Variants in PLXNB1 observed in about 807,000 individuals in gnomAD.
PLXNB1 encodes plexin-B1.
In PLXNB1, 106 loss-of-function variants were observed where a neutral mutation model predicts 209.4. The observed-to-expected ratio is 0.51, with a 90% CI of 0.43 to 0.59. The LOEUF (loss-of-function observed/expected upper bound fraction) is 0.59, where lower values mean the gene tolerates loss of function less well. PLXNB1 is among the 20% of genes least tolerant of loss of function. The pLI, the probability that PLXNB1 is intolerant of heterozygous loss-of-function variation, is 0.00. For missense variants in PLXNB1, 2,357 were observed against 2,853.2 expected (o/e 0.83, Z 3.96); for synonymous variants, 1,167 against 1,183.2 (o/e 0.99, Z 0.28).
At chr3:48,420,587 G>T in intron 10 of PLXNB1, 78 bp downstream of exon 10, 2 of 1,178,072 alleles carry the variant, frequency 1.7e-6, no homozygotes, top group Non-Finnish European at 2.5e-6. Context: ...TAGGCAGACA[G>T]ACCCCGGGCC....
rs762372883 is a variant in PLXNB1 at position 48,405,118 on chromosome 3, G to A, written c.6304-528C>T. ...TCACACCCTGCCTCCCCCAAGCCCC[G>A]TGCCATGGCCCACACCATGCCGAGG... is the stretch of plus-strand genomic sequence containing the variant. On this transcript the variant is annotated intron_variant, in intron 37 of 37. Transcript: ENST00000296440. This position sits in a 1 kb window ranked among gnomAD's most constrained non-coding sequence, Gnocchi z 5.0. Among the ~76,000 whole-genome samples the A allele has an allele frequency of 5.9e-5, 9 of 152,174 alleles. No homozygotes were observed. The highest frequency in any genetic ancestry group is 3.8e-4 in the East Asian group (2 of 5,198).
At chr3:48,404,815 G>A (rs1235217279) in intron 37 of PLXNB1, among the ~76,000 whole-genome samples, 1 of 152,092 alleles carries the variant, frequency 6.6e-6, no homozygotes, top group African/African-American at 2.4e-5. Flanking sequence ...GGAAATGAAG[G>A]ACCTGACTCA....
At position 48,415,885 on chromosome 3, in the gene PLXNB1, C is replaced by A; in HGVS notation, c.3618-126G>T. 1 of 1,339,932 alleles carries A rather than the reference C, an allele frequency of 7.5e-7. No individual in the cohort carries two copies. Among genetic ancestry groups the A allele is most frequent in the South Asian group, 1.4e-5 (1 of 70,932 alleles). 83.0% of individuals were successfully genotyped at this position (1,339,932 alleles called of 1,614,324 possible). A position where few individuals can be genotyped will look rare whatever the true frequency, so the allele number is the denominator to read the frequency against. On this transcript the variant is annotated intron_variant, in intron 18 of 37. Coordinates refer to ENST00000296440, the MANE Select transcript of PLXNB1 (RefSeq NM_001130082.3). This position sits in a 1 kb window ranked among gnomAD's most constrained non-coding sequence, Gnocchi z 5.0. ...CCAGGTGTCCCTGGAGGTGCACTCC[C>A]ACCACAGCTGGCTAGGGAGGGTCTG...
chr3:48,404,255 G>A lies in PLXNB1; in HGVS notation c.*231C>T. 2 of 529,790 alleles carry A rather than the reference G, an allele frequency of 3.8e-6. No individual in the cohort carries two copies. The highest frequency in any genetic ancestry group is 3.5e-5 in the Admixed American group (1 of 28,340). The allele number at this position is 529,790 out of a possible 1,614,324, so 32.8% of individuals were successfully genotyped here. On this transcript the variant is annotated 3_prime_UTR_variant, in exon 38 of 38. Coordinates refer to ENST00000296440, the MANE Select transcript of PLXNB1 (RefSeq NM_001130082.3). The stretch of plus-strand genomic sequence containing the variant: ...AACTCCCTGCAGACCGGTGTCACAG[G>A]GTCGCTGGACTCGGGGAGCAGGCTG...
chr3:48,418,967 A>T lies in PLXNB1; in HGVS notation c.2905T>A (p.Cys969Ser). 6.2e-7 allele frequency: 1 copy of T among 1,613,878 alleles called. No individual in the cohort carries two copies. Among genetic ancestry groups the T allele is most frequent in the Non-Finnish European group, 8.5e-7 (1 of 1,179,940 alleles). ...LEVVVEARVE[C>S]EPPPDTQCHV... is the part of the protein sequence containing the mutation. ...CACTGGGTATCTGGAGGTGGCTCAC[A>T]CTCGACCCGGGCCTCAACCACCACC... is the stretch of plus-strand genomic sequence containing the variant. Residue 969 changes from cysteine to serine, a missense_variant, in exon 13 of 38, where the codon TGT becomes AGT. Physicochemically the swap from Cys to Ser is moderately radical, Grantham distance 112. Transcript: ENST00000296440. This position sits in a 1 kb window ranked among gnomAD's most constrained non-coding sequence, Gnocchi z 6.6.
Position 48,409,665 on chromosome 3 carries a change from G to T in PLXNB1, c.5845C>A (p.Leu1949Ile), listed in dbSNP as rs149027538. The T allele has an allele frequency of 6.8e-6, 11 of 1,613,884 alleles. No individual in the cohort carries two copies. In the African/African-American group the frequency reaches 1.2e-4, roughly 18 times the overall value. ...VILSTSRPVP[L>I]AVKYFFDLLD... is the part of the protein sequence containing the mutation. ...AGGTCAAAGAAGTACTTCACAGCGA[G>T]CGGCACGGGGCGGCTGGTGCTGAGA... The change falls in exon 33 of 38, where the codon CTC becomes ATC. Residue 1949 changes from leucine to isoleucine, a missense_variant. Physicochemically the swap from Leu to Ile is conservative, Grantham distance 5 (BLOSUM62 2). Around this residue, in one of 7 missense-constraint regions of PLXNB1, gnomAD observed 414 missense variants for 520.5 expected, o/e 0.80. Coordinates refer to ENST00000296440, the MANE Select transcript of PLXNB1 (RefSeq NM_001130082.3). This position sits in a 1 kb window ranked among gnomAD's most constrained non-coding sequence, Gnocchi z 5.8.
At position 48,429,367 on chromosome 3, in the gene PLXNB1, G is replaced by A. The variant is rs1195204638; in HGVS notation, c.-60+641C>T. 3 of 151,442 alleles carry A rather than the reference G, an allele frequency of 2.0e-5. No homozygotes were observed. In the East Asian group the frequency reaches 5.8e-4, roughly 29 times the overall value. The allele number at this position is 151,442 out of a possible 1,614,324, so 9.4% of individuals were successfully genotyped here. Reference sequence around the variant, plus strand: ...TCTGGCGGAGCCGCAGCTGTTACCCGGAGACCGAGGGGCGGAAAACTGCGC... The same window carrying A: ...TCTGGCGGAGCCGCAGCTGTTACCCAGAGACCGAGGGGCGGAAAACTGCGC... On this transcript the variant is annotated intron_variant, in intron 1 of 37. Coordinates refer to ENST00000296440, the MANE Select transcript of PLXNB1 (RefSeq NM_001130082.3). This position sits in a 1 kb window ranked among gnomAD's most constrained non-coding sequence, Gnocchi z 6.4.
In PLXNB1 at chr3:48,415,454, C is replaced by A; in HGVS notation, c.3795-107G>T. 6 of 1,424,798 alleles carry A rather than the reference C, an allele frequency of 4.2e-6. No individual in the cohort carries two copies. The highest frequency in any genetic ancestry group is 5.7e-6 in the Non-Finnish European group (6 of 1,044,780). The allele number at this position is 1,424,798 out of a possible 1,614,324, so 88.3% of individuals were successfully genotyped here. ...AGCTCAGCCCCAGCCCCAAACCACACGACCCCTTGCCCCTACTAGCAGCAT... is the reference window on the plus strand; with the variant it reads ...AGCTCAGCCCCAGCCCCAAACCACAAGACCCCTTGCCCCTACTAGCAGCAT... On this transcript the variant is annotated intron_variant, in intron 19 of 37. Transcript: ENST00000296440. The surrounding 1 kb of genome is among the most constrained non-coding windows in gnomAD (Gnocchi z 5.0).
In PLXNB1 at chr3:48,415,942, T is replaced by A; in HGVS notation, c.3617+89A>T. The A allele has an allele frequency of 6.8e-7, 1 of 1,464,330 alleles. No homozygotes were observed. The highest frequency in any genetic ancestry group is 2.3e-4 in the Middle Eastern group (1 of 4,386). 90.7% of individuals were successfully genotyped at this position (1,464,330 alleles called of 1,614,324 possible). A position where few individuals can be genotyped will look rare whatever the true frequency, so the allele number is the denominator to read the frequency against. On this transcript the variant is annotated intron_variant, in intron 18 of 37. Coordinates refer to ENST00000296440, the MANE Select transcript of PLXNB1 (RefSeq NM_001130082.3). This position sits in a 1 kb window ranked among gnomAD's most constrained non-coding sequence, Gnocchi z 5.0. Reference sequence around the variant, plus strand: ...CTCTGAAGGAGCAGACTGGCCCTCTTCCCCTTTCTGCTCTCCCCAGGATCT... The same window carrying A: ...CTCTGAAGGAGCAGACTGGCCCTCTACCCCTTTCTGCTCTCCCCAGGATCT...
chr3:48,423,194 G>A (rs1216545914), intron 3 of PLXNB1, among the ~76,000 whole-genome samples: 1 of 151,872 alleles, frequency 6.6e-6, no homozygotes, highest in Non-Finnish European at 1.5e-5. Flanking sequence ...AGAACCAAAG[G>A]TCTCATTCCA....
rs1283400627 is a variant in PLXNB1, at chr3:48,415,054, C to T, written c.3967-13G>A. The T allele has an allele frequency of 9.9e-6, 16 of 1,611,166 alleles. No individual in the cohort carries two copies. The highest frequency in any genetic ancestry group is 2.2e-5 in the East Asian group (1 of 44,836). ...ACGGCTCCTCAAACTGGAAGGAAGACAGGCAGGTTGACGAGGGGCCAAGCA... is the reference window on the plus strand; with the variant it reads ...ACGGCTCCTCAAACTGGAAGGAAGATAGGCAGGTTGACGAGGGGCCAAGCA... On this transcript the variant is annotated splice_polypyrimidine_tract_variant and intron_variant, in intron 20 of 37. Coordinates refer to ENST00000296440, the MANE Select transcript of PLXNB1 (RefSeq NM_001130082.3). This position sits in a 1 kb window ranked among gnomAD's most constrained non-coding sequence, Gnocchi z 5.0.
In PLXNB1 at chr3:48,424,016, G is replaced by A. The variant is rs761471990; in HGVS notation, c.596C>T (p.Ser199Phe). 1.2e-6 allele frequency: 2 copies of A among 1,610,810 alleles called. No homozygotes were observed. The highest frequency in any genetic ancestry group is 1.7e-5 in the Admixed American group (1 of 59,766). Residue 199 changes from serine (S) to phenylalanine (F), a missense_variant, in exon 3 of 38, where the codon TCC becomes TTC. This residue lies in a region of PLXNB1 where 404 missense variants were observed against 443.6 expected (regional missense o/e 0.91). Coordinates refer to ENST00000296440, the MANE Select transcript of PLXNB1 (RefSeq NM_001130082.3). ...LWPPDPQAAFSYEETAKLAVG... is the reference protein window; with the variant it reads ...LWPPDPQAAFFYEETAKLAVG... ...TGCCAGCTTGGCTGTCTCCTCATAG[G>A]AGAAGGCAGCTTGGGGGTCGGGCGG... is the stretch of plus-strand genomic sequence containing the variant.
intron 34 of PLXNB1, among the ~76,000 whole-genome samples, chr3:48,408,382 G>A (rs1274874924): frequency 6.6e-6 from 1 of 152,072 alleles, no homozygotes; most frequent in African/African-American, 2.4e-5. Flanking sequence ...GAGACCTGGG[G>A]GTCTAGGCTA....
At position 48,418,644 on chromosome 3, in the gene PLXNB1, A is replaced by G; in HGVS notation, c.2956-102T>C. 9.5e-7 allele frequency: 1 copy of G among 1,056,110 alleles called. No homozygotes were observed. Among genetic ancestry groups the G allele is most frequent in the Non-Finnish European group, 1.4e-6 (1 of 707,028 alleles). 65.4% of individuals were successfully genotyped at this position (1,056,110 alleles called of 1,614,324 possible). On this transcript the variant is annotated intron_variant, in intron 13 of 37. Coordinates refer to ENST00000296440, the MANE Select transcript of PLXNB1 (RefSeq NM_001130082.3). The surrounding 1 kb of genome is among the most constrained non-coding windows in gnomAD (Gnocchi z 6.6). ...GACTAAAACGACCAGTTAGGAGCAT[A>G]GGGTCAGAGGGACCCCATGGGGCCA...
At position 48,415,808 on chromosome 3, in the gene PLXNB1, T is replaced by TG; in HGVS notation, c.3618-50dup. 1 of 1,507,784 alleles carries TG rather than the reference T, an allele frequency of 6.6e-7. No homozygotes were observed. The allele number at this position is 1,507,784 out of a possible 1,614,324, so 93.4% of individuals were successfully genotyped here. A position where few individuals can be genotyped will look rare whatever the true frequency, so the allele number is the denominator to read the frequency against. On this transcript the variant is annotated intron_variant, in intron 18 of 37. Transcript: ENST00000296440. This position sits in a 1 kb window ranked among gnomAD's most constrained non-coding sequence, Gnocchi z 5.0. ...TGCAGGGGCGCAGGCAGGGAAAACT[T>TG]GGACCACTCAGGCCCCAACTGGCTT...
chr3:48,422,619 G>A, intron 4 of PLXNB1, 146 bp downstream of exon 4: 1 of 1,220,030 alleles, frequency 8.2e-7, no homozygotes, highest in Non-Finnish European at 1.1e-6. Flanking sequence ...AAAGTCACAG[G>A]TAAACACCAC....
chr3:48,412,474 A>G lies in PLXNB1; in HGVS notation c.5001T>C (p.Tyr1667=), dbSNP rs148678002. 1.2e-6 allele frequency: 2 copies of G among 1,613,656 alleles called. No individual in the cohort carries two copies. Among genetic ancestry groups the G allele is most frequent in the Non-Finnish European group, 1.7e-6 (2 of 1,180,042 alleles). ...GCATCAGCTTGGGGTTCTTGGCCAC[A>G]TACTGGGCAACCAGGTCACTGAGCA... ...RTLLSDLVAQ[Y]VAKNPKLMLR... is the part of the protein sequence containing the mutation. The change falls in exon 26 of 38, where the codon TAT becomes TAC. Residue 1667 remains tyrosine (Y), a synonymous_variant. Transcript: ENST00000296440.
At chr3:48,414,148 C>T (rs1027749599) in intron 21 of PLXNB1, 77 bp from the exon 22 acceptor site, 1 of 1,430,542 alleles carries the variant, frequency 7.0e-7, no homozygotes, top group Non-Finnish European at 9.8e-7. Context: ...GGGAAGGACC[C>T]TGAGACCCAG....
In PLXNB1 at chr3:48,413,577, G is replaced by T. The variant is rs1180990181; in HGVS notation, c.4535+93C>A. The T allele has an allele frequency of 3.8e-6, 5 of 1,312,696 alleles. No homozygotes were observed. In the Admixed American group the frequency reaches 7.9e-5, roughly 21 times the overall value. 81.3% of individuals were successfully genotyped at this position (1,312,696 alleles called of 1,614,324 possible). ...TATTTACTCTCTGGCCATTTACAGA[G>T]AATGTTTCCTGACTCCTGGCCCGGT... is the stretch of plus-strand genomic sequence containing the variant. On this transcript the variant is annotated intron_variant, in intron 23 of 37. Coordinates refer to ENST00000296440, the MANE Select transcript of PLXNB1 (RefSeq NM_001130082.3). This position sits in a 1 kb window ranked among gnomAD's most constrained non-coding sequence, Gnocchi z 5.4.
Sources: allele counts gnomAD v4.1 joint callset (sites outside exome capture counted in the v4.1 genomes callset), GRCh38; gene constraint gnomAD v4.1.1; regional missense constraint gnomAD v4.1.1; non-coding constraint Gnocchi (gnomAD v3.1); transcripts MANE v1.5; gene names NCBI Gene and HGNC (gene_info 2026-07-23, HGNC 2026-07-21).